CFAP299: variants seen among roughly 807,000 people sequenced by gnomAD.
CFAP299 encodes cilia- and flagella-associated protein 299.
In CFAP299, 21 loss-of-function variants were observed where a neutral mutation model predicts 27.0. The ratio of observed to expected loss-of-function variants is 0.78; its 90% CI spans 0.55 to 1.12. The LOEUF (loss-of-function observed/expected upper bound fraction) is 1.12. CFAP299 is among the 50% of genes most tolerant of loss of function. CFAP299 has a pLI of 0.00. For missense variants in CFAP299, 310 were observed against 276.6 expected (o/e 1.12, Z -0.86); for synonymous variants, 104 against 98.1 (o/e 1.06, Z -0.36).
intron 3 of CFAP299, among the ~76,000 whole-genome samples, chr4:80,686,917 C>A (rs1213098920): frequency 3.3e-5 from 5 of 152,204 alleles, no homozygotes; most frequent in African/African-American, 4.8e-5. Context: ...TTCCTACATT[C>A]CTATAGCTTT....
At position 80,862,951 on chromosome 4, in the gene CFAP299, G is replaced by A. The variant is rs370941347; in HGVS notation, c.334-7042G>A. Among the ~76,000 whole-genome samples, 577 of 152,232 alleles carry A rather than the reference G, an allele frequency of 3.8e-3. 1 individual carries two copies. The highest frequency in any genetic ancestry group is 0.014 in the Middle Eastern group (4 of 294). On this transcript the variant is annotated intron_variant, in intron 3 of 5. Transcript: ENST00000358105. ...TAGAAAACAATAGTTGATTCGCAGAGAACTTAGGCTACATTTGCAAAATCA... is the reference window on the plus strand; with the variant it reads ...TAGAAAACAATAGTTGATTCGCAGAAAACTTAGGCTACATTTGCAAAATCA...
chr4:80,885,932 G>A (rs757320740), intron 4 of CFAP299, among the ~76,000 whole-genome samples: 1 of 152,170 alleles, frequency 6.6e-6, no homozygotes, highest in African/African-American at 2.4e-5. Context: ...TATCCTCTTG[G>A]ACAGCATTTC....
chr4:80,845,302 G>A (rs563331143), intron 3 of CFAP299, among the ~76,000 whole-genome samples: 16 of 148,908 alleles, frequency 1.1e-4, no homozygotes, highest in East Asian at 2.0e-4. Context: ...TTAAAAGACC[G>A]TTCAAGTTTT....
intron 3 of CFAP299, among the ~76,000 whole-genome samples, chr4:80,619,159 A>C (rs1738451079): frequency 6.6e-6 from 1 of 152,196 alleles, no homozygotes; most frequent in South Asian, 2.1e-4. Flanking sequence ...GCATTAAAAC[A>C]CAGCTAGAAA....
rs112896059 is a variant in CFAP299, at chr4:80,928,580, G to A, written c.477-16230G>A. Among the ~76,000 whole-genome samples the A allele has an allele frequency of 2.0e-3, 299 of 152,164 alleles. 1 individual carries two copies. The highest frequency in any genetic ancestry group is 6.9e-3 in the African/African-American group (285 of 41,548). On this transcript the variant is annotated intron_variant, in intron 4 of 5. Coordinates refer to ENST00000358105, the MANE Select transcript of CFAP299 (RefSeq NM_152770.3). ...AAAAGTGAGGGATGAGGTTGCAATG[G>A]CTCAAGATATTTTCATAGTCGTAAA...
intron 3 of CFAP299, among the ~76,000 whole-genome samples, chr4:80,696,418 G>A (rs994715145): frequency 1.7e-4 from 26 of 152,144 alleles, no homozygotes; most frequent in Admixed American, 1.3e-3. Context: ...AATAATTATA[G>A]TCTTTCTGCA....
intron 2 of CFAP299, among the ~76,000 whole-genome samples, chr4:80,451,362 A>G (rs1440809533): frequency 2.0e-5 from 3 of 152,202 alleles, no homozygotes; most frequent in Non-Finnish European, 4.4e-5. Context: ...TGAATGTCCT[A>G]TCTCCAAGTA....
chr4:80,784,351 C>T (rs1727114085), intron 3 of CFAP299, among the ~76,000 whole-genome samples: 1 of 152,132 alleles, frequency 6.6e-6, no homozygotes, highest in Non-Finnish European at 1.5e-5. Context: ...ACACCCTCGC[C>T]AACACTTGTG....
At chr4:80,853,877 G>C (rs1248797333) in intron 3 of CFAP299, among the ~76,000 whole-genome samples, 3 of 152,150 alleles carry the variant, frequency 2.0e-5, no homozygotes, top group African/African-American at 7.2e-5. Flanking sequence ...TTGTGTGATG[G>C]ACATGTTCAG....
intron 3 of CFAP299, among the ~76,000 whole-genome samples, chr4:80,808,632 T>A (rs1376513863): frequency 6.6e-6 from 1 of 152,138 alleles, no homozygotes; most frequent in Non-Finnish European, 1.5e-5. Context: ...ATCCTTTTTA[T>A]CTTTTCATAA....
intron 3 of CFAP299, among the ~76,000 whole-genome samples, chr4:80,866,252 G>A (rs985502856): frequency 2.0e-5 from 3 of 150,478 alleles, no homozygotes; most frequent in Non-Finnish European, 3.0e-5. Context: ...AATTTAATTG[G>A]GCATTTTCTG....
chr4:80,441,783 C>G (rs1490493552), intron 2 of CFAP299, among the ~76,000 whole-genome samples: 1 of 152,044 alleles, frequency 6.6e-6, no homozygotes, highest in African/African-American at 2.4e-5. Flanking sequence ...GAGTCAAGAC[C>G]CATCAGTGTG....
At chr4:80,694,035 G>A (rs753879172) in intron 3 of CFAP299, among the ~76,000 whole-genome samples, 43 of 151,976 alleles carry the variant, frequency 2.8e-4, no homozygotes, top group Non-Finnish European at 5.3e-4. Context: ...TCTTCTCTTT[G>A]TAAAATTATT....
At chr4:80,764,716 T>C (rs879218989) in intron 3 of CFAP299, among the ~76,000 whole-genome samples, 1 of 152,116 alleles carries the variant, frequency 6.6e-6, no homozygotes, top group East Asian at 1.9e-4. Context: ...AATGATAAAC[T>C]GGATAAAGAA....
rs12502968 is a variant in CFAP299 at position 80,488,678 on chromosome 4, G to A, written c.243-94415G>A. Among the ~76,000 whole-genome samples the A allele has an allele frequency of 3.5e-3, 529 of 152,184 alleles. 4 individuals carry two copies. Among genetic ancestry groups the A allele is most frequent in the Admixed American group, 0.029 (442 of 15,284 alleles). On this transcript the variant is annotated intron_variant, in intron 2 of 5. Transcript: ENST00000358105. ...TTCTTAATAGAGACGGGGTTTCACCGTGTTAGCCAGGATGGTCTCGATCTC... is the reference window on the plus strand; with the variant it reads ...TTCTTAATAGAGACGGGGTTTCACCATGTTAGCCAGGATGGTCTCGATCTC...
chr4:80,760,909 A>G (rs1725509772), intron 3 of CFAP299, among the ~76,000 whole-genome samples: 1 of 152,176 alleles, frequency 6.6e-6, no homozygotes, highest in Admixed American at 6.5e-5. Context: ...GGAAAGTCAC[A>G]TGTGAAATGG....
intron 3 of CFAP299, among the ~76,000 whole-genome samples, chr4:80,651,277 CTT>C (rs1491101372): frequency 1.6e-5 from 2 of 125,240 alleles, no homozygotes; most frequent in South Asian, 2.6e-4. Context: ...CTCTTTCTCT[CTT>C]TCTCTCTCTT....
At chr4:80,341,725 G>A (rs1407893941) in intron 1 of CFAP299, among the ~76,000 whole-genome samples, 1 of 152,228 alleles carries the variant, frequency 6.6e-6, no homozygotes, top group African/African-American at 2.4e-5. Context: ...AACAGTCATT[G>A]CAAAAATGCT....
chr4:80,858,521 TTCC>T (rs1732084836), intron 3 of CFAP299, among the ~76,000 whole-genome samples: 2 of 152,332 alleles, frequency 1.3e-5, no homozygotes, highest in South Asian at 2.1e-4. Flanking sequence ...TTTTGGATCT[TTCC>T]TGCTTTCTCC....
Sources: allele counts gnomAD v4.1 joint callset (sites outside exome capture counted in the v4.1 genomes callset), GRCh38; gene constraint gnomAD v4.1.1; transcripts MANE v1.5; gene names NCBI Gene and HGNC (gene_info 2026-07-23, HGNC 2026-07-21).